The following SOX9 variants were observed in gnomAD, a reference collection of about 807,000 sequenced individuals.
SOX9 encodes the protein transcription factor SOX-9.
In SOX9, 2 loss-of-function variants were observed where a neutral mutation model predicts 44.8. The ratio of observed to expected loss-of-function variants is 0.04; its 90% CI spans 0.02 to 0.14. The LOEUF is 0.14. Ranked by LOEUF, SOX9 falls within the 10% of genes least tolerant of loss-of-function variation. The pLI, the probability that SOX9 is intolerant of heterozygous loss-of-function variation, is 1.00. For synonymous variants in SOX9, 381 were observed against 331.8 expected, an observed-to-expected ratio of 1.15 and a Z score of -1.61; for missense variants, 583 against 728.6, an observed-to-expected ratio of 0.80 and a Z score of 2.30.
rs894391005 is a variant in SOX9 at position 72,121,160 on chromosome 17, C to A, written c.-232C>A. The A allele has an allele frequency of 3.5e-6, 2 of 574,356 alleles. No individual in the cohort carries two copies. The highest frequency in any genetic ancestry group is 2.0e-5 in the African/African-American group (1 of 50,750). The allele number at this position is 574,356 out of a possible 1,614,324, so 35.6% of individuals were successfully genotyped here. A position where few individuals can be genotyped will look rare whatever the true frequency, so the allele number is the denominator to read the frequency against. On this transcript the variant is annotated 5_prime_UTR_variant, in exon 1 of 3. Transcript: ENST00000245479. The surrounding 1 kb of genome is among the most constrained non-coding windows in gnomAD (Gnocchi z 8.3). ...CCCCACTTTTGCTCTTTTTCCTCCC[C>A]TCCTCCTCCTCTCCAATTCGCCTCC...
At position 72,124,101 on chromosome 17, in the gene SOX9, C is replaced by T. The variant is rs1908206993; in HGVS notation, c.1244C>T (p.Pro415Leu). ...TACAGCGAGCAGCAGCAGCACTCGCCCCAACAGATCGCCTACAGCCCCTTC... is the reference window on the plus strand; with the variant it reads ...TACAGCGAGCAGCAGCAGCACTCGCTCCAACAGATCGCCTACAGCCCCTTC... ...SHYSEQQQHS[P>L]QQIAYSPFNL... Residue 415 changes from proline (P) to leucine (L), a missense_variant, in exon 3 of 3, where the codon CCC (proline) becomes CTC (leucine). Coordinates refer to ENST00000245479, the MANE Select transcript of SOX9 (RefSeq NM_000346.4). The surrounding 1 kb of genome is among the most constrained non-coding windows in gnomAD (Gnocchi z 4.6). 1 of 1,613,674 alleles carries T rather than the reference C, an allele frequency of 6.2e-7. No homozygotes were observed. Among genetic ancestry groups the T allele is most frequent in the Non-Finnish European group, 8.5e-7 (1 of 1,180,004 alleles).
At position 72,125,554 on chromosome 17, in the gene SOX9, CTTT is replaced by C. The variant is rs796896836; in HGVS notation, c.*1181_*1183del. On this transcript the variant is annotated 3_prime_UTR_variant, in exon 3 of 3. Coordinates refer to ENST00000245479, the MANE Select transcript of SOX9 (RefSeq NM_000346.4). ...GTTTTAATTAAAACAAAAAAAAATT[CTTT>C]TTTTTTTTTTTTTCCAATTTTACCT... The C allele has an allele frequency of 5.6e-4, 105 of 186,394 alleles. No homozygotes were observed. The highest frequency in any genetic ancestry group is 6.8e-4 in the Non-Finnish European group (63 of 92,244). The allele number at this position is 186,394 out of a possible 1,614,324, so 11.5% of individuals were successfully genotyped here. A position where few individuals can be genotyped will look rare whatever the true frequency, so the allele number is the denominator to read the frequency against.
Position 72,123,683 on chromosome 17 carries a change from G to A in SOX9, c.826G>A (p.Gly276Ser), listed in dbSNP as rs768444599. 7 of 1,613,886 alleles carry A rather than the reference G, an allele frequency of 4.3e-6. No homozygotes were observed. The highest frequency in any genetic ancestry group is 5.9e-6 in the Non-Finnish European group (7 of 1,179,982). Residue 276 changes from glycine to serine, a missense_variant, in exon 3 of 3, where the codon GGC (glycine) becomes AGC (serine). By Grantham distance (56) the Gly-to-Ser change is moderately conservative. Coordinates refer to ENST00000245479, the MANE Select transcript of SOX9 (RefSeq NM_000346.4). The surrounding 1 kb of genome is among the most constrained non-coding windows in gnomAD (Gnocchi z 6.5). ...PPIDFRDVDIGELSSDVISNI... is the reference protein window; with the variant it reads ...PPIDFRDVDISELSSDVISNI... ...TATCGACTTCCGCGACGTGGACATC[G>A]GCGAGCTGAGCAGCGACGTCATCTC...
In SOX9 at chr17:72,124,673, G is replaced by C; in HGVS notation, c.*286G>C. 1 of 540,096 alleles carries C rather than the reference G, an allele frequency of 1.9e-6. No homozygotes were observed. Among genetic ancestry groups the C allele is most frequent in the South Asian group, 2.1e-5 (1 of 48,536 alleles). 33.5% of individuals were successfully genotyped at this position (540,096 alleles called of 1,614,324 possible). A position where few individuals can be genotyped will look rare whatever the true frequency, so the allele number is the denominator to read the frequency against. The stretch of plus-strand genomic sequence containing the variant: ...GGAGCAGCGAAATCAACGAGAAACT[G>C]GACTTTTTAAACCCTCTTCAGAGCA... On this transcript the variant is annotated 3_prime_UTR_variant, in exon 3 of 3. Coordinates refer to ENST00000245479, the MANE Select transcript of SOX9 (RefSeq NM_000346.4). The surrounding 1 kb of genome is among the most constrained non-coding windows in gnomAD (Gnocchi z 4.6).
Position 72,124,327 on chromosome 17 carries a change from G to A in SOX9, c.1470G>A (p.Pro490=), listed in dbSNP as rs772902383. The stretch of plus-strand genomic sequence containing the variant: ...ACACCTCTGGGGTCCCTTCCATCCC[G>A]CAGACCCACAGCCCCCAGCACTGGG... ...IADTSGVPSI[P]QTHSPQHWEQ... Residue 490 remains proline, a synonymous_variant, in exon 3 of 3, where the codon CCG becomes CCA. Transcript: ENST00000245479. The surrounding 1 kb of genome is among the most constrained non-coding windows in gnomAD (Gnocchi z 4.6). 1.9e-6 allele frequency: 3 copies of A among 1,603,518 alleles called. No homozygotes were observed. Among genetic ancestry groups the A allele is most frequent in the Non-Finnish European group, 2.5e-6 (3 of 1,179,902 alleles).
In SOX9 at chr17:72,123,655, C is replaced by T. The variant is rs754321581; in HGVS notation, c.798C>T (p.Pro266=). 1.2e-6 allele frequency: 2 copies of T among 1,614,092 alleles called. No individual in the cohort carries two copies. The highest frequency in any genetic ancestry group is 1.7e-6 in the Non-Finnish European group (2 of 1,180,002). The change falls in exon 3 of 3, where the codon CCC becomes CCT. Residue 266 remains proline, a synonymous_variant. Transcript: ENST00000245479. This position sits in a 1 kb window ranked among gnomAD's most constrained non-coding sequence, Gnocchi z 6.5. ...CCTTGCCAGAGGGGGGCAGACAGCC[C>T]CCTATCGACTTCCGCGACGTGGACA... ...GRPLPEGGRQ[P]PIDFRDVDIG... is the part of the protein sequence containing the mutation.
rs867833350 is a variant in SOX9 at position 72,126,122 on chromosome 17, T to G, written c.*1735T>G. ...ATTTAAAAAAAGATATATTAACAGTTTTAGAAGTCAGTAGAATAAAATCTT... is the reference window on the plus strand; with the variant it reads ...ATTTAAAAAAAGATATATTAACAGTGTTAGAAGTCAGTAGAATAAAATCTT... On this transcript the variant is annotated 3_prime_UTR_variant, in exon 3 of 3. Transcript: ENST00000245479. 1.7e-5 allele frequency: 4 copies of G among 232,398 alleles called. No individual in the cohort carries two copies. Among genetic ancestry groups the G allele is most frequent in the Non-Finnish European group, 3.4e-5 (4 of 117,392 alleles). The allele number at this position is 232,398 out of a possible 1,614,324, so 14.4% of individuals were successfully genotyped here.
rs146754673 is a variant in SOX9, at chr17:72,122,878, C to T, written c.591C>T (p.His197=). 1.7e-5 allele frequency: 28 copies of T among 1,614,050 alleles called. No individual in the cohort carries two copies. The African/African-American group carries it at 3.1e-4, about 18-fold the overall frequency. ...CAGAGGAGGCCACGGAGCAGACGCA[C>T]ATCTCCCCCAACGCCATCTTCAAGG... The part of the protein sequence containing the change: ...AEAEEATEQT[H]ISPNAIFKAL... The change falls in exon 2 of 3, where the codon CAC becomes CAT. Residue 197 remains histidine (H), a synonymous_variant. Coordinates refer to ENST00000245479, the MANE Select transcript of SOX9 (RefSeq NM_000346.4).
In SOX9 at chr17:72,124,725, T is replaced by C; in HGVS notation, c.*338T>C. ...GCGTGGAGGATGATGGAGAATCGTG[T>C]GATCAGTGTGCTAAATCTCTCTGCC... On this transcript the variant is annotated 3_prime_UTR_variant, in exon 3 of 3. Coordinates refer to ENST00000245479, the MANE Select transcript of SOX9 (RefSeq NM_000346.4). The surrounding 1 kb of genome is among the most constrained non-coding windows in gnomAD (Gnocchi z 4.6). The C allele has an allele frequency of 2.1e-6, 1 of 472,374 alleles. No homozygotes were observed. The highest frequency in any genetic ancestry group is 3.9e-6 in the Non-Finnish European group (1 of 256,352). 29.3% of individuals were successfully genotyped at this position (472,374 alleles called of 1,614,324 possible). A position where few individuals can be genotyped will look rare whatever the true frequency, so the allele number is the denominator to read the frequency against.
Position 72,123,058 on chromosome 17 carries a change from G to C in SOX9, c.685+86G>C. The C allele has an allele frequency of 6.5e-7, 1 of 1,538,044 alleles. No homozygotes were observed. The highest frequency in any genetic ancestry group is 8.9e-7 in the Non-Finnish European group (1 of 1,128,220). On this transcript the variant is annotated intron_variant, in intron 2 of 2. Transcript: ENST00000245479. The surrounding 1 kb of genome is among the most constrained non-coding windows in gnomAD (Gnocchi z 6.5). Reference sequence around the variant, plus strand: ...CCCTCCGCCTGGGAGATTCTTCGTGGGGACTTTATGCTTCCCGGGAGGGAC... The same window carrying C: ...CCCTCCGCCTGGGAGATTCTTCGTGCGGACTTTATGCTTCCCGGGAGGGAC...
rs1908254516 is a variant in SOX9, at chr17:72,125,422, T to C, written c.*1035T>C. Reference sequence around the variant, plus strand: ...CCCCCGGTTGCCTGCCTGGGCCCCATGTGGAAGGCAGATGCCTGCTCGCTC... The same window carrying C: ...CCCCCGGTTGCCTGCCTGGGCCCCACGTGGAAGGCAGATGCCTGCTCGCTC... On this transcript the variant is annotated 3_prime_UTR_variant, in exon 3 of 3. Coordinates refer to ENST00000245479, the MANE Select transcript of SOX9 (RefSeq NM_000346.4). 3 of 229,342 alleles carry C rather than the reference T, an allele frequency of 1.3e-5. No individual in the cohort carries two copies. Among genetic ancestry groups the C allele is most frequent in the African/African-American group, 4.4e-5 (2 of 45,216 alleles). 14.2% of individuals were successfully genotyped at this position (229,342 alleles called of 1,614,324 possible).
At position 72,125,324 on chromosome 17, in the gene SOX9, G is replaced by GT. The variant is rs1281090512; in HGVS notation, c.*938dup. ...TGTTCACTGCAGTCTTAAGAAAGAG[G>GT]TAAAAGGCAAGCAAAGGAGATGAAA... On this transcript the variant is annotated 3_prime_UTR_variant, in exon 3 of 3. Coordinates refer to ENST00000245479, the MANE Select transcript of SOX9 (RefSeq NM_000346.4). 18 of 227,962 alleles carry GT rather than the reference G, an allele frequency of 7.9e-5. No homozygotes were observed. The Admixed American group carries it at 8.0e-4, about 10-fold the overall frequency. The allele number at this position is 227,962 out of a possible 1,614,324, so 14.1% of individuals were successfully genotyped here. A position where few individuals can be genotyped will look rare whatever the true frequency, so the allele number is the denominator to read the frequency against.
rs1469442385 is a variant in SOX9, at chr17:72,122,774, G to T, written c.487G>T (p.Val163Leu). Residue 163 changes from valine (V) to leucine (L), a missense_variant, in exon 2 of 3, where the codon GTG (valine) becomes TTG (leucine). By Grantham distance (32) the Val-to-Leu change is conservative. Around this residue, in one of 7 missense-constraint regions of SOX9, gnomAD observed 21 missense variants for 73.6 expected, o/e 0.29. Coordinates refer to ENST00000245479, the MANE Select transcript of SOX9 (RefSeq NM_000346.4). ...CGTGGAGGAGGCGGAGCGGCTGCGC[G>T]TGCAGCACAAGAAGGACCACCCGGA... is the stretch of plus-strand genomic sequence containing the variant. ...PFVEEAERLR[V>L]QHKKDHPDYK... is the part of the protein sequence containing the mutation. 1 of 1,614,084 alleles carries T rather than the reference G, an allele frequency of 6.2e-7. No individual in the cohort carries two copies. Among genetic ancestry groups the T allele is most frequent in the Non-Finnish European group, 8.5e-7 (1 of 1,179,996 alleles).
rs1172731039 is a variant in SOX9 at position 72,125,398 on chromosome 17, C to A, written c.*1011C>A. The A allele has an allele frequency of 4.4e-6, 1 of 228,646 alleles. No homozygotes were observed. The highest frequency in any genetic ancestry group is 8.7e-6 in the Non-Finnish European group (1 of 115,254). The allele number at this position is 228,646 out of a possible 1,614,324, so 14.2% of individuals were successfully genotyped here. A position where few individuals can be genotyped will look rare whatever the true frequency, so the allele number is the denominator to read the frequency against. On this transcript the variant is annotated 3_prime_UTR_variant, in exon 3 of 3. Transcript: ENST00000245479. ...GCCAATAAGTGCCCGAGCACACTGC[C>A]CCCGGTTGCCTGCCTGGGCCCCATG...
At position 72,123,881 on chromosome 17, in the gene SOX9, C is replaced by T; in HGVS notation, c.1024C>T (p.Pro342Ser). ...GHVWMSKQQA[P>S]PPPPQQPPQA... ...CGTGTGGATGTCCAAGCAGCAGGCG[C>T]CGCCGCCACCCCCGCAGCAGCCCCC... Residue 342 changes from proline (P) to serine (S), a missense_variant, in exon 3 of 3, where the codon CCG becomes TCG. Physicochemically the swap from Pro to Ser is moderately conservative, Grantham distance 74. Around this residue, in one of 7 missense-constraint regions of SOX9, gnomAD observed 349 missense variants for 387.0 expected, o/e 0.90. Transcript: ENST00000245479. This position sits in a 1 kb window ranked among gnomAD's most constrained non-coding sequence, Gnocchi z 6.5. The T allele has an allele frequency of 6.7e-7, 1 of 1,502,848 alleles. No individual in the cohort carries two copies. The highest frequency in any genetic ancestry group is 1.3e-5 in the South Asian group (1 of 77,554). 93.1% of individuals were successfully genotyped at this position (1,502,848 alleles called of 1,614,324 possible). A position where few individuals can be genotyped will look rare whatever the true frequency, so the allele number is the denominator to read the frequency against.
Position 72,124,166 on chromosome 17 carries a change from C to G in SOX9, c.1309C>G (p.Arg437Gly), listed in dbSNP as rs1189441865. 1.2e-6 allele frequency: 2 copies of G among 1,613,926 alleles called. No individual in the cohort carries two copies. The highest frequency in any genetic ancestry group is 1.7e-5 in the Admixed American group (1 of 60,032). The part of the protein sequence containing the change: ...HYSPSYPPIT[R>G]SQYDYTDHQN... ...CAGCCCCTCCTACCCGCCCATCACC[C>G]GCTCACAGTACGACTACACCGACCA... Residue 437 changes from arginine to glycine, a missense_variant, in exon 3 of 3, where the codon CGC (arginine) becomes GGC (glycine). Around this residue, in one of 7 missense-constraint regions of SOX9, gnomAD observed 349 missense variants for 387.0 expected, o/e 0.90. Coordinates refer to ENST00000245479, the MANE Select transcript of SOX9 (RefSeq NM_000346.4). The surrounding 1 kb of genome is among the most constrained non-coding windows in gnomAD (Gnocchi z 4.6).
chr17:72,123,405 G>T lies in SOX9; in HGVS notation c.686-138G>T. 1 of 1,192,836 alleles carries T rather than the reference G, an allele frequency of 8.4e-7. No homozygotes were observed. Among genetic ancestry groups the T allele is most frequent in the Non-Finnish European group, 1.2e-6 (1 of 824,272 alleles). The allele number at this position is 1,192,836 out of a possible 1,614,324, so 73.9% of individuals were successfully genotyped here. A position where few individuals can be genotyped will look rare whatever the true frequency, so the allele number is the denominator to read the frequency against. Reference sequence around the variant, plus strand: ...TTAATCATTGGGCGACTTATCTCCGGTGCAGCGCGCCTCTTGCGCGGGTGC... The same window carrying T: ...TTAATCATTGGGCGACTTATCTCCGTTGCAGCGCGCCTCTTGCGCGGGTGC... On this transcript the variant is annotated intron_variant, in intron 2 of 2. Coordinates refer to ENST00000245479, the MANE Select transcript of SOX9 (RefSeq NM_000346.4). The surrounding 1 kb of genome is among the most constrained non-coding windows in gnomAD (Gnocchi z 6.5).
intron 1 of SOX9, among the ~76,000 whole-genome samples, chr17:72,122,240 C>A (rs1019043984): frequency 6.6e-6 from 1 of 151,770 alleles, no homozygotes; most frequent in African/African-American, 2.4e-5. Context: ...AAGGGAGAAA[C>A]CGAGGTTGGA....
rs1055000092 is a variant in SOX9 at position 72,123,449 on chromosome 17, A to T, written c.686-94A>T. 3.2e-6 allele frequency: 5 copies of T among 1,559,752 alleles called. No homozygotes were observed. The African/African-American group carries it at 6.8e-5, about 21-fold the overall frequency. On this transcript the variant is annotated intron_variant, in intron 2 of 2. Coordinates refer to ENST00000245479, the MANE Select transcript of SOX9 (RefSeq NM_000346.4). The surrounding 1 kb of genome is among the most constrained non-coding windows in gnomAD (Gnocchi z 6.5). ...CGGGTGCGGGCCCTTATTACACTTT[A>T]GCAGCGAGGGAGGGTCCCCGGAGGG...
Sources: gnomAD v4.1 joint callset for allele counts (sites outside exome capture counted in the v4.1 genomes callset) on GRCh38, gnomAD v4.1.1 for gene constraint, gnomAD v4.1.1 regional missense constraint, Gnocchi (gnomAD v3.1) non-coding constraint, MANE v1.5 for transcripts, NCBI Gene and HGNC (gene_info 2026-07-23, HGNC 2026-07-21) for gene names.